Variants in ZNF44 observed in about 807,000 individuals in gnomAD.
ZNF44 encodes the protein zinc finger protein 44.
A neutral mutation model predicts 11.7 loss-of-function variants in ZNF44; 9 were observed. That is an observed-to-expected ratio of 0.77 (90% CI 0.46 to 1.35). The LOEUF (loss-of-function observed/expected upper bound fraction) is 1.35, where lower values mean the gene tolerates loss of function less well. Among genes scored for constraint, ZNF44 ranks in the 40% most tolerant of loss-of-function variants. ZNF44 has a pLI of 0.00. For synonymous variants in ZNF44, 224 were observed against 242.7 expected, an observed-to-expected ratio of 0.92 and a Z score of 0.72; for missense variants, 696 against 743.1, an observed-to-expected ratio of 0.94 and a Z score of 0.74.
exon 1 of ZNF44, chr19:12,237,585 G>A (rs559394519): frequency 6.5e-6 from 1 of 153,456 alleles, no homozygotes; most frequent in South Asian, 1.9e-4. Flanking sequence ...GGGAACAGGA[G>A]CCCCTTAGAC....
intron 1 of ZNF44, among the ~76,000 whole-genome samples, chr19:12,285,948 G>T (rs1357157376): frequency 6.7e-6 from 1 of 148,752 alleles, no homozygotes; most frequent in Non-Finnish European, 1.5e-5. Context: ...GAACCCGGGG[G>T]TCAGAGCTTG....
chr19:12,235,136 G>T (rs34493209), intron 1 of ZNF44, among the ~76,000 whole-genome samples: 2 of 151,866 alleles, frequency 1.3e-5, no homozygotes, highest in South Asian at 2.1e-4. Flanking sequence ...CAACACTTTG[G>T]GGGGCAGAGG....
chr19:12,250,324 C>T, exon 6 of ZNF44: 3 of 1,366,768 alleles, frequency 2.2e-6, no homozygotes, highest in Non-Finnish European at 2.9e-6. Flanking sequence ...AAGTCCATTC[C>T]TCCTGGGTGA....
chr19:12,235,524 T>C (rs986923614), intron 1 of ZNF44, among the ~76,000 whole-genome samples: 1 of 152,130 alleles, frequency 6.6e-6, no homozygotes, highest in Admixed American at 6.5e-5. Context: ...TGGAAAACTA[T>C]AGACCAGTAA....
downstream of ZNF44, among the ~76,000 whole-genome samples, chr19:12,267,426 T>C (rs912379856): frequency 6.6e-6 from 1 of 152,170 alleles, no homozygotes; most frequent in Non-Finnish European, 1.5e-5. Context: ...AGGGGAGTTA[T>C]ATGACAGCAA....
chr19:12,268,205 CAA>C (rs1377768118), downstream of ZNF44, among the ~76,000 whole-genome samples: 1 of 151,164 alleles, frequency 6.6e-6, no homozygotes, highest in African/African-American at 2.4e-5. Flanking sequence ...ACCCCAGTCA[CAA>C]AGATACTCTC....
At chr19:12,237,550 T>C (rs1916438323) in exon 1 of ZNF44, 2 of 153,814 alleles carry the variant, frequency 1.3e-5, no homozygotes, top group South Asian at 3.5e-4. Context: ...CCTCGGCCTC[T>C]GGAAGGCTGA....
chr19:12,235,392 C>A lies in ZNF44; in HGVS notation n.139-484G>T, dbSNP rs538507260. Reference sequence around the variant, plus strand: ...TCGTCTCGAAAAAAACAAAACAAAACAAAAAAACCGACACCAGTTCACTAC... The same window carrying A: ...TCGTCTCGAAAAAAACAAAACAAAAAAAAAAAACCGACACCAGTTCACTAC... On this transcript the variant is annotated intron_variant and non_coding_transcript_variant, in intron 1 of 3. Transcript: ENST00000597563. Among the ~76,000 whole-genome samples, 676 of 151,966 alleles carry A rather than the reference C, an allele frequency of 4.4e-3. 3 individuals are homozygous for A. The highest frequency in any genetic ancestry group is 0.016 in the African/African-American group (643 of 41,460).
upstream of ZNF44, chr19:12,237,783 C>G (rs1916450904): frequency 6.6e-6 from 1 of 151,402 alleles, no homozygotes; most frequent in Admixed American, 6.6e-5. Context: ...ACCCCCCCGC[C>G]CAGGCCAGGC....
chr19:12,294,814 G>A lies in ZNF44; in HGVS notation c.-120C>T, dbSNP rs976671354. The A allele has an allele frequency of 9.8e-6, 12 of 1,219,544 alleles. No individual in the cohort carries two copies. Among genetic ancestry groups the A allele is most frequent in the African/African-American group, 1.6e-5 (1 of 61,842 alleles). The allele number at this position is 1,219,544 out of a possible 1,614,324, so 75.5% of individuals were successfully genotyped here. ...CTCAGTGACAGAATACGGAACAGAG[G>A]TCACCAGGGTGAAGAGGCCACTAGC... On this transcript the variant is annotated 5_prime_UTR_variant, in exon 1 of 4. Transcript: ENST00000355684.
intron 5 of ZNF44, among the ~76,000 whole-genome samples, chr19:12,261,593 C>CA (rs1917513256): frequency 6.6e-6 from 1 of 152,176 alleles, no homozygotes; most frequent in Non-Finnish European, 1.5e-5. Flanking sequence ...TGCACTACTG[C>CA]ACTCCAGCCT....
exon 8 of ZNF44, chr19:12,247,862 G>A (rs1599495773): frequency 1.5e-6 from 2 of 1,308,686 alleles, no homozygotes; most frequent in Non-Finnish European, 2.0e-6. Context: ...TACATTCATA[G>A]TGTTTCTGTG....
chr19:12,249,511 A>G (rs1455314519), intron 7 of ZNF44, among the ~76,000 whole-genome samples: 2 of 150,874 alleles, frequency 1.3e-5, no homozygotes, highest in Non-Finnish European at 1.5e-5. Context: ...GTCTCAGAAA[A>G]AAAAAAAAAA....
intron 1 of ZNF44, among the ~76,000 whole-genome samples, chr19:12,281,884 T>C (rs1339621836): frequency 1.3e-5 from 2 of 152,268 alleles, no homozygotes; most frequent in South Asian, 2.1e-4. Context: ...TATTAATAAA[T>C]AATAAATGTC....
exon 8 of ZNF44, chr19:12,247,977 C>CT (rs757553948): frequency 1.5e-6 from 2 of 1,345,974 alleles, no homozygotes; most frequent in Non-Finnish European, 2.0e-6. Context: ...CTTTTCATGT[C>CT]TTTGAGCAGA....
intron 5 of ZNF44, among the ~76,000 whole-genome samples, chr19:12,256,037 C>CCAAA (rs1917241320): frequency 2.5e-5 from 1 of 39,656 alleles, no homozygotes; most frequent in African/African-American, 6.4e-5. Context: ...AACTCTGTCT[C>CCAAA]AAAAAAAAAA....
At chr19:12,253,045 A>G (rs1352815087) in intron 5 of ZNF44, among the ~76,000 whole-genome samples, 1 of 151,568 alleles carries the variant, frequency 6.6e-6, no homozygotes, top group African/African-American at 2.4e-5. Flanking sequence ...GTGCCACCAC[A>G]CCCAGCTAAT....
rs28620431 is a variant in ZNF44, at chr19:12,284,767, T to C, written c.4-8685A>G. ...GCAGCCACTGCCATCCGCGGGGCCATCATCCTGGCCAAGCTCTCCACTGTC... is the reference window on the plus strand; with the variant it reads ...GCAGCCACTGCCATCCGCGGGGCCACCATCCTGGCCAAGCTCTCCACTGTC... On this transcript the variant is annotated intron_variant, in intron 1 of 3. Coordinates refer to ENST00000355684, the MANE Select transcript of ZNF44 (RefSeq NM_016264.4). 2,009 of 971,068 alleles carry C rather than the reference T, an allele frequency of 2.1e-3. 23 individuals carry two copies. In the African/African-American group the frequency reaches 0.029, roughly 14 times the overall value. The allele number at this position is 971,068 out of a possible 1,614,324, so 60.2% of individuals were successfully genotyped here.
chr19:12,287,527 T>C (rs1967816309), intron 1 of ZNF44, among the ~76,000 whole-genome samples: 2 of 152,194 alleles, frequency 1.3e-5, no homozygotes, highest in Non-Finnish European at 2.9e-5. Flanking sequence ...TACACATTCT[T>C]TAACTACCAC....
Sources: allele counts gnomAD v4.1 joint callset (sites outside exome capture counted in the v4.1 genomes callset), GRCh38; gene constraint gnomAD v4.1.1; transcripts MANE v1.5; gene names NCBI Gene and HGNC (gene_info 2026-07-23, HGNC 2026-07-21).